ATAD1: variants seen among roughly 807,000 people sequenced by gnomAD.
ATAD1 encodes ATPase family AAA domain containing 1, also known as outer mitochondrial transmembrane helix translocase.
ATAD1 carries 18 observed loss-of-function variants against 42.7 expected under a neutral mutation model. The observed-to-expected ratio is 0.42, with a 90% CI of 0.29 to 0.63. The LOEUF is 0.63. Ranked by LOEUF, ATAD1 falls within the 20% of genes least tolerant of loss-of-function variation. The pLI is 0.19. For missense variants in ATAD1, 294 were observed against 440.4 expected, an observed-to-expected ratio of 0.67 and a Z score of 2.98; for synonymous variants, 132 against 143.1, an observed-to-expected ratio of 0.92 and a Z score of 0.55.
intron 2 of ATAD1, among the ~76,000 whole-genome samples, chr10:87,795,764 C>T (rs1856357298): frequency 6.6e-6 from 1 of 151,966 alleles, no homozygotes; most frequent in African/African-American, 2.4e-5. Flanking sequence ...GAAATGGGGA[C>T]AAGCAGCAGC....
chr10:87,774,480 G>A (rs1855196004), intron 6 of ATAD1, among the ~76,000 whole-genome samples: 1 of 151,912 alleles, frequency 6.6e-6, no homozygotes, highest in South Asian at 2.1e-4. Context: ...AAACTGACCT[G>A]GTAGATGTGA....
intron 4 of ATAD1, among the ~76,000 whole-genome samples, chr10:87,789,530 G>A (rs1855993987): frequency 6.6e-6 from 1 of 152,120 alleles, no homozygotes; most frequent in East Asian, 1.9e-4. Context: ...AGACCAGCCT[G>A]AGCAACATGG....
rs2131841347 is a variant in ATAD1 at position 87,776,331 on chromosome 10, T to C, written c.680A>G (p.His227Arg). 1 of 1,611,812 alleles carries C rather than the reference T, an allele frequency of 6.2e-7. No homozygotes were observed. Among genetic ancestry groups the C allele is most frequent in the South Asian group, 1.1e-5 (1 of 90,644 alleles). The change falls in exon 6 of 10, where the codon CAC becomes CGC. Residue 227 changes from histidine (H) to arginine (R), a missense_variant. Coordinates refer to ENST00000680024, the MANE Select transcript of ATAD1 (RefSeq NM_001321967.2). ...ATTTTATTCAAATACCTGGCAGCTG[T>C]GATCAGTATCCAATCCATCCCAGAG... Reference protein sequence around the residue: ...MSLWDGLDTDHSCQVIVMGAT... With the variant: ...MSLWDGLDTDRSCQVIVMGAT...
chr10:87,811,286 T>C (rs1186958173), intron 2 of ATAD1, among the ~76,000 whole-genome samples: 1 of 151,900 alleles, frequency 6.6e-6, no homozygotes, highest in African/African-American at 2.4e-5. Context: ...CGAGCTGAGA[T>C]TGTACCACTG....
chr10:87,823,842 A>G (rs1259755801), intron 1 of ATAD1, among the ~76,000 whole-genome samples: 1 of 152,192 alleles, frequency 6.6e-6, no homozygotes, highest in African/African-American at 2.4e-5. Context: ...AGGTACTGGT[A>G]CTTAATATTT....
At chr10:87,840,796 C>A (rs913128287) in intron 1 of ATAD1, among the ~76,000 whole-genome samples, 1 of 152,058 alleles carries the variant, frequency 6.6e-6, no homozygotes, top group Non-Finnish European at 1.5e-5. Context: ...GTAGAAAGAA[C>A]ATACATAATG....
At position 87,809,553 on chromosome 10, in the gene ATAD1, T is replaced by C. The variant is rs558717814; in HGVS notation, c.162+4885A>G. On this transcript the variant is annotated intron_variant, in intron 2 of 9. Coordinates refer to ENST00000680024, the MANE Select transcript of ATAD1 (RefSeq NM_001321967.2). Reference sequence around the variant, plus strand: ...CATTAAAAAAAAAAAAATCTGCTTATGAGTGGACCTATGCAGTTTAAACAC... The same window carrying C: ...CATTAAAAAAAAAAAAATCTGCTTACGAGTGGACCTATGCAGTTTAAACAC... Among the ~76,000 whole-genome samples the C allele has an allele frequency of 1.2e-3, 178 of 151,968 alleles. 1 individual carries two copies. The highest frequency in any genetic ancestry group is 4.1e-3 in the African/African-American group (171 of 41,502).
rs562945078 is a variant in ATAD1, at chr10:87,789,105, A to G, written c.382+1205T>C. 8.5e-5 allele frequency among the ~76,000 whole-genome samples: 13 copies of G among 152,334 alleles called. No homozygotes were observed. In the East Asian group the frequency reaches 2.1e-3, roughly 25 times the overall value. On this transcript the variant is annotated intron_variant, in intron 4 of 9. Coordinates refer to ENST00000680024, the MANE Select transcript of ATAD1 (RefSeq NM_001321967.2). ...CAGGCTTCAGTTACCTTTGATATGT[A>G]AATTAATGCACTTTATTGATATAGC...
At chr10:87,810,153 C>G (rs1857115821) in intron 2 of ATAD1, among the ~76,000 whole-genome samples, 1 of 151,932 alleles carries the variant, frequency 6.6e-6, no homozygotes, top group African/African-American at 2.4e-5. Context: ...TTATTATGTG[C>G]TTTCTTTTAC....
chr10:87,773,009 A>G (rs898765816), intron 6 of ATAD1, among the ~76,000 whole-genome samples: 6 of 152,164 alleles, frequency 3.9e-5, no homozygotes, highest in Admixed American at 3.9e-4. Context: ...CATGGCCTCC[A>G]GCTTCATCTG....
At chr10:87,833,368 T>G (rs1208998810) in intron 1 of ATAD1, among the ~76,000 whole-genome samples, 1 of 152,248 alleles carries the variant, frequency 6.6e-6, no homozygotes, top group Non-Finnish European at 1.5e-5. Context: ...GGAGGTTTTT[T>G]TTAAATCACT....
chr10:87,770,731 T>C (rs1307997098), intron 7 of ATAD1, among the ~76,000 whole-genome samples: 23 of 152,270 alleles, frequency 1.5e-4, no homozygotes, highest in Admixed American at 1.4e-3. Context: ...AAACTTGAGA[T>C]AACTATATAT....
In ATAD1 at chr10:87,792,719, C is replaced by T. The variant is rs757087401; in HGVS notation, c.199G>A (p.Val67Met). 1 of 1,612,742 alleles carries T rather than the reference C, an allele frequency of 6.2e-7. No homozygotes were observed. Among genetic ancestry groups the T allele is most frequent in the South Asian group, 1.1e-5 (1 of 91,074 alleles). Residue 67 changes from valine (V) to methionine (M), a missense_variant, in exon 3 of 10, where the codon GTG becomes ATG. Val to Met is a conservative substitution (Grantham distance 21). Around this residue, in one of 3 missense-constraint regions of ATAD1, gnomAD observed 121 missense variants for 187.3 expected, o/e 0.65. Transcript: ENST00000680024. ...KLMKQIGVKN[V>M]KLSEYEMSIA... The stretch of plus-strand genomic sequence containing the variant: ...CTCATTTCATATTCTGAGAGCTTCA[C>T]ATTTTTCACTCCAATTTGCTTCATT...
chr10:87,792,261 G>A (rs1455115776), intron 3 of ATAD1, among the ~76,000 whole-genome samples: 2 of 152,204 alleles, frequency 1.3e-5, no homozygotes, highest in Non-Finnish European at 1.5e-5. Context: ...CCTTCTGGGA[G>A]TCTAGAATTT....
intron 1 of ATAD1, among the ~76,000 whole-genome samples, chr10:87,838,678 G>A (rs1338232828): frequency 6.6e-6 from 1 of 151,978 alleles, no homozygotes; most frequent in African/African-American, 2.4e-5. Context: ...CATGAGAGTG[G>A]GGCATCATGA....
Position 87,771,008 on chromosome 10 carries a change from C to T in ATAD1, c.724G>A (p.Asp242Asn), listed in dbSNP as rs1314512627. The T allele has an allele frequency of 1.2e-6, 2 of 1,613,378 alleles. No individual in the cohort carries two copies. The highest frequency in any genetic ancestry group is 2.2e-5 in the South Asian group (2 of 91,024). Residue 242 changes from aspartate to asparagine, a missense_variant, in exon 7 of 10, where the codon GAC becomes AAC. Physicochemically the swap from Asp to Asn is conservative, Grantham distance 23. Coordinates refer to ENST00000680024, the MANE Select transcript of ATAD1 (RefSeq NM_001321967.2). ...IVMGATNRPQ[D>N]LDSAIMRRMP... ...CTTCTCATTATAGCCGAGTCAAGGT[C>T]CTGAGGACGATTGGTAGCTCCCATT...
At chr10:87,792,844 T>C in intron 2 of ATAD1, 89 bp from the exon 3 acceptor site, 1 of 952,636 alleles carries the variant, frequency 1.0e-6, no homozygotes, top group African/African-American at 1.6e-5. Context: ...TAAAGAGCAA[T>C]GAACAGATAG....
intron 1 of ATAD1, among the ~76,000 whole-genome samples, chr10:87,815,802 T>G (rs1207593829): frequency 6.6e-6 from 1 of 152,122 alleles, no homozygotes; most frequent in African/African-American, 2.4e-5. Flanking sequence ...TTCCCAAGCA[T>G]TCAAAACTAT....
intron 1 of ATAD1, among the ~76,000 whole-genome samples, chr10:87,825,500 G>A (rs930001707): frequency 6.6e-6 from 1 of 151,718 alleles, no homozygotes; most frequent in African/African-American, 2.4e-5. Flanking sequence ...TAGTAGAGAC[G>A]GGGTTTCACC....
Sources: gnomAD v4.1 joint callset for allele counts (sites outside exome capture counted in the v4.1 genomes callset) on GRCh38, gnomAD v4.1.1 for gene constraint, gnomAD v4.1.1 regional missense constraint, MANE v1.5 for transcripts, NCBI Gene and HGNC (gene_info 2026-07-23, HGNC 2026-07-21) for gene names.